Variants in ADK observed in about 807,000 individuals in gnomAD.
ADK encodes the protein N6,N6-dimethyladenosine kinase.
A neutral mutation model predicts 44.7 loss-of-function variants in ADK; 24 were observed. The ratio of observed to expected loss-of-function variants is 0.54; its 90% CI spans 0.39 to 0.76. The LOEUF (loss-of-function observed/expected upper bound fraction) is 0.76, where lower values mean the gene tolerates loss of function less well. ADK is among the 30% of genes least tolerant of loss of function. ADK has a pLI of 0.00. For missense variants in ADK, 321 were observed against 425.1 expected (o/e 0.76, Z 2.15); for synonymous variants, 128 against 142.6 (o/e 0.90, Z 0.73).
At chr10:74,396,187 A>T in intron 5 of ADK, among the ~76,000 whole-genome samples, 1 of 152,216 alleles carries the variant, frequency 6.6e-6, no homozygotes, top group Admixed American at 6.5e-5. Flanking sequence ...AAGCTAATAC[A>T]GTTGGATCAA....
At chr10:74,234,073 T>A (rs1447020424) in intron 3 of ADK, among the ~76,000 whole-genome samples, 1 of 152,240 alleles carries the variant, frequency 6.6e-6, no homozygotes, top group East Asian at 1.9e-4. Context: ...AATGTAGCTA[T>A]GGCAGATTTT....
intron 3 of ADK, among the ~76,000 whole-genome samples, chr10:74,273,828 A>G (rs1444133575): frequency 2.0e-5 from 3 of 152,074 alleles, no homozygotes; most frequent in Admixed American, 2.0e-4. Context: ...TTCAGTGTCC[A>G]TTTTCAGAGA....
intron 6 of ADK, among the ~76,000 whole-genome samples, chr10:74,427,005 T>C (rs1023809032): frequency 6.6e-5 from 10 of 152,060 alleles, no homozygotes; most frequent in African/African-American, 9.7e-5. Flanking sequence ...TGTGTTCTCA[T>C]TGATAAAGTT....
intron 6 of ADK, among the ~76,000 whole-genome samples, chr10:74,496,648 T>G (rs946977669): frequency 6.6e-6 from 1 of 152,184 alleles, no homozygotes; most frequent in Non-Finnish European, 1.5e-5. Context: ...TTTAATTTTT[T>G]TGTAGACACA....
intron 1 of ADK, among the ~76,000 whole-genome samples, chr10:74,165,427 G>A (rs1842010135): frequency 6.6e-6 from 1 of 151,550 alleles, no homozygotes; most frequent in Non-Finnish European, 1.5e-5. Context: ...GTTGCTCTAG[G>A]CTCTGGAATA....
intron 9 of ADK, 72 bp downstream of exon 9, chr10:74,600,565 C>T (rs1274421677): frequency 1.2e-6 from 1 of 839,794 alleles, no homozygotes; most frequent in South Asian, 1.5e-5. Flanking sequence ...ATTCTGTATT[C>T]TTTCTATTAT....
intron 2 of ADK, among the ~76,000 whole-genome samples, chr10:74,208,289 G>A (rs1245808259): frequency 6.6e-6 from 1 of 152,244 alleles, no homozygotes; most frequent in Non-Finnish European, 1.5e-5. Flanking sequence ...AGTGGGTGTG[G>A]CTCCCACCTG....
chr10:74,660,860 C>T (rs1854695849), intron 9 of ADK, among the ~76,000 whole-genome samples: 1 of 151,990 alleles, frequency 6.6e-6, no homozygotes, highest in South Asian at 2.1e-4. Flanking sequence ...GGTGAAACCC[C>T]ATCCCTACTA....
At chr10:74,698,740 G>C (rs1182716563) in intron 10 of ADK, among the ~76,000 whole-genome samples, 1 of 151,856 alleles carries the variant, frequency 6.6e-6, no homozygotes, top group Non-Finnish European at 1.5e-5. Context: ...GAATTTTTTT[G>C]TAGGGACGGA....
At chr10:74,224,893 T>A (rs1204285952) in intron 3 of ADK, among the ~76,000 whole-genome samples, 1 of 152,220 alleles carries the variant, frequency 6.6e-6, no homozygotes, top group Non-Finnish European at 1.5e-5. Flanking sequence ...TATTAAATTG[T>A]TCCTATTTTC....
chr10:74,302,728 G>A (rs1005436863), intron 3 of ADK, among the ~76,000 whole-genome samples: 11 of 152,160 alleles, frequency 7.2e-5, no homozygotes, highest in Admixed American at 3.3e-4. Context: ...CCTGGGAGGC[G>A]GAAGTTGCAG....
At chr10:74,554,389 G>A (rs1180098893) in intron 7 of ADK, among the ~76,000 whole-genome samples, 1 of 151,930 alleles carries the variant, frequency 6.6e-6, no homozygotes, top group Non-Finnish European at 1.5e-5. Context: ...TGTAGTCCTA[G>A]TAGGTGTATA....
In ADK at chr10:74,296,716, A is replaced by G. The variant is rs182992822; in HGVS notation, c.195-17951A>G. ...AAGCCCCGCCTCCCAGGTTCACACC[A>G]TTCGCCTGCCTCAGCCTCCGGAGTA... On this transcript the variant is annotated intron_variant, in intron 3 of 10. Coordinates refer to ENST00000539909, the MANE Select transcript of ADK (RefSeq NM_006721.4). Among the ~76,000 whole-genome samples the G allele has an allele frequency of 3.2e-3, 481 of 151,110 alleles. 5 individuals carry two copies. The highest frequency in any genetic ancestry group is 0.011 in the African/African-American group (451 of 41,084).
chr10:74,400,629 A>G, intron 6 of ADK, among the ~76,000 whole-genome samples: 1 of 152,198 alleles, frequency 6.6e-6, no homozygotes, highest in East Asian at 1.9e-4. Context: ...GCTGCCCCAT[A>G]CTTTCTGGTT....
intron 3 of ADK, among the ~76,000 whole-genome samples, chr10:74,268,256 G>A (rs546450816): frequency 9.0e-4 from 137 of 152,164 alleles, no homozygotes; most frequent in South Asian, 2.1e-3. Context: ...CCAGGAGTTC[G>A]AGGCTGCAGC....
chr10:74,695,823 A>G (rs1856176670), intron 10 of ADK, among the ~76,000 whole-genome samples: 1 of 151,868 alleles, frequency 6.6e-6, no homozygotes, highest in African/African-American at 2.4e-5. Flanking sequence ...TATTTTTTGT[A>G]GAGCCGAGGT....
chr10:74,204,380 C>A (rs1843512404), intron 2 of ADK, among the ~76,000 whole-genome samples: 1 of 151,878 alleles, frequency 6.6e-6, no homozygotes, highest in Non-Finnish European at 1.5e-5. Flanking sequence ...GTTTTATTTT[C>A]TTATTGTTCA....
intron 4 of ADK, among the ~76,000 whole-genome samples, chr10:74,351,457 A>G (rs574183365): frequency 1.4e-4 from 21 of 152,338 alleles, no homozygotes; most frequent in Non-Finnish European, 2.2e-4. Flanking sequence ...TCCATAGCCA[A>G]TATCATACTG....
chr10:74,534,633 A>T (rs1479589034), intron 7 of ADK, among the ~76,000 whole-genome samples: 1 of 152,200 alleles, frequency 6.6e-6, no homozygotes, highest in African/African-American at 2.4e-5. Context: ...AATGCATGTA[A>T]AGTTTCAGCT....
Sources: allele counts gnomAD v4.1 joint callset (sites outside exome capture counted in the v4.1 genomes callset), GRCh38; gene constraint gnomAD v4.1.1; transcripts MANE v1.5; gene names NCBI Gene and HGNC (gene_info 2026-07-23, HGNC 2026-07-21).